The following EIF4B variants were observed in gnomAD, a reference collection of about 807,000 sequenced individuals.
EIF4B encodes eukaryotic translation initiation factor 4B.
EIF4B carries 8 observed loss-of-function variants against 79.3 expected under a neutral mutation model. The ratio of observed to expected loss-of-function variants is 0.10; its 90% CI spans 0.06 to 0.18. The LOEUF (loss-of-function observed/expected upper bound fraction) is 0.18. Ranked by LOEUF, EIF4B falls within the 10% of genes least tolerant of loss-of-function variation. EIF4B has a pLI of 1.00. For synonymous variants in EIF4B, 238 were observed against 274.7 expected (o/e 0.87, Z 1.32); for missense variants, 515 against 792.4 (o/e 0.65, Z 4.20).
At chr12:53,009,681 T>A (rs1452552291) in intron 1 of EIF4B, among the ~76,000 whole-genome samples, 3 of 152,162 alleles carry the variant, frequency 2.0e-5, no homozygotes, top group Non-Finnish European at 4.4e-5. Flanking sequence ...GTGAAATGGT[T>A]TTAAGGGGTG....
intron 10 of EIF4B, among the ~76,000 whole-genome samples, chr12:53,035,371 A>ATTTTT (rs1252439545): frequency 7.0e-6 from 1 of 141,914 alleles, no homozygotes; most frequent in African/African-American, 2.6e-5. Context: ...TTATTTATTT[A>ATTTTT]TTTTCTTTTT....
Position 53,021,842 on chromosome 12 carries a change from G to A in EIF4B, c.514G>A (p.Asp172Asn). 1.2e-6 allele frequency: 2 copies of A among 1,614,202 alleles called. No homozygotes were observed. The highest frequency in any genetic ancestry group is 1.7e-6 in the Non-Finnish European group (2 of 1,180,036). The change falls in exon 5 of 15, where the codon GAT becomes AAT. Residue 172 changes from aspartate (D) to asparagine (N), a missense_variant. By Grantham distance (23) the Asp-to-Asn change is conservative (BLOSUM62 1). Around this residue, in one of 6 missense-constraint regions of EIF4B, gnomAD observed 16 missense variants for 54.0 expected, o/e 0.30. Coordinates refer to ENST00000262056, the MANE Select transcript of EIF4B (RefSeq NM_001417.7). The stretch of plus-strand genomic sequence containing the variant: ...CAGGAGAATTCGAGTGGACGTTGCT[G>A]ATCAAGCACAGGATAAAGGTAAGGA... ...GNRRIRVDVA[D>N]QAQDKDRDDR...
chr12:53,030,410 ATTCT>A (rs1943415143), intron 8 of EIF4B, among the ~76,000 whole-genome samples: 1 of 34,194 alleles, frequency 2.9e-5, no homozygotes, highest in African/African-American at 6.0e-5. Context: ...AAAAAATTAT[ATTCT>A]TTTTTTTTTT....
chr12:53,020,566 T>TTG (rs1357506590), intron 4 of EIF4B, among the ~76,000 whole-genome samples: 1 of 152,200 alleles, frequency 6.6e-6, no homozygotes, highest in African/African-American at 2.4e-5. Flanking sequence ...GTCCCAGGAC[T>TTG]TGAGGGGCTT....
At chr12:53,019,265 G>A (rs1943197756) in intron 3 of EIF4B, among the ~76,000 whole-genome samples, 1 of 151,834 alleles carries the variant, frequency 6.6e-6, no homozygotes, top group South Asian at 2.1e-4. Flanking sequence ...TGGGCGTGGT[G>A]GTACACGTCT....
intron 1 of EIF4B, chr12:53,013,668 TCCC>T (rs1160416362): frequency 6.6e-6 from 1 of 151,942 alleles, no homozygotes; most frequent in Non-Finnish European, 1.5e-5. Context: ...ATGCCTGTAA[TCCC>T]AGTTACTCAG....
intron 6 of EIF4B, among the ~76,000 whole-genome samples, chr12:53,023,766 A>G (rs1249375283): frequency 6.6e-6 from 1 of 150,908 alleles, no homozygotes; most frequent in Non-Finnish European, 1.5e-5. Flanking sequence ...TATTCTTAGT[A>G]GAGATGGGGT....
chr12:53,034,545 C>A, intron 9 of EIF4B, 67 bp from the exon 10 acceptor site: 2 of 1,477,066 alleles, frequency 1.4e-6, no homozygotes, highest in South Asian at 2.3e-5. Flanking sequence ...CTTGAGGGGT[C>A]AGCATGGGTC....
intron 1 of EIF4B, among the ~76,000 whole-genome samples, chr12:53,012,955 G>A (rs765870556): frequency 1.4e-4 from 21 of 152,116 alleles, no homozygotes; most frequent in Non-Finnish European, 2.6e-4. Context: ...CAGAGGAGGG[G>A]GAGACTTGTG....
At chr12:53,037,270 G>A in intron 10 of EIF4B, 139 bp from the exon 11 acceptor site, 1 of 887,366 alleles carries the variant, frequency 1.1e-6, no homozygotes, top group Non-Finnish European at 1.7e-6. Flanking sequence ...GGAAATACTT[G>A]TAAACCACTG....
rs116754163 is a variant in EIF4B at position 53,022,443 on chromosome 12, G to A, written c.533-50G>A. ...GTTTTCTATGTGTGAGAAATATTGG[G>A]CAAAGTTTTTATGAGATAACTTACG... On this transcript the variant is annotated intron_variant, in intron 5 of 14. Transcript: ENST00000262056. 1,695 of 1,602,638 alleles carry A rather than the reference G, an allele frequency of 1.1e-3. 15 individuals carry two copies. The African/African-American group carries it at 0.021, about 20-fold the overall frequency.
At chr12:53,017,252 CAAAA>C (rs57053490) in intron 2 of EIF4B, among the ~76,000 whole-genome samples, 4 of 143,060 alleles carry the variant, frequency 2.8e-5, no homozygotes, top group African/African-American at 8.1e-5. Context: ...GACTCCATCT[CAAAA>C]AAAAAAAAAA....
intron 6 of EIF4B, 39 bp downstream of exon 6, chr12:53,022,666 T>C (rs898355858): frequency 1.3e-5 from 21 of 1,599,054 alleles, no homozygotes; most frequent in Non-Finnish European, 1.8e-5. Context: ...CTCTGTGCTT[T>C]GGGAGGCTAT....
intron 1 of EIF4B, among the ~76,000 whole-genome samples, chr12:53,006,834 C>G (rs937168963): frequency 6.6e-6 from 1 of 151,584 alleles, no homozygotes; most frequent in Non-Finnish European, 1.5e-5. Flanking sequence ...ACCGTGCCCG[C>G]GTGAAGGCGT....
At chr12:53,030,901 G>A (rs527349184) in intron 8 of EIF4B, among the ~76,000 whole-genome samples, 2 of 152,196 alleles carry the variant, frequency 1.3e-5, no homozygotes, top group East Asian at 3.9e-4. Context: ...TGGGCCTCAT[G>A]TTCTCCTTGA....
intron 1 of EIF4B, among the ~76,000 whole-genome samples, chr12:53,014,167 C>T (rs1943111527): frequency 6.6e-6 from 1 of 151,794 alleles, no homozygotes; most frequent in Non-Finnish European, 1.5e-5. Flanking sequence ...CGCGTTGGCT[C>T]ACGTCTGTAA....
intron 9 of EIF4B, 105 bp downstream of exon 9, chr12:53,034,139 G>GACAACCACTAAT: frequency 1.7e-6 from 2 of 1,170,920 alleles, no homozygotes; most frequent in Non-Finnish European, 1.2e-6. Context: ...TCACATTAGT[G>GACAACCACTAAT]GTTGTCACTG....
intron 8 of EIF4B, among the ~76,000 whole-genome samples, chr12:53,032,205 G>T (rs1257615604): frequency 3.9e-5 from 6 of 152,176 alleles, no homozygotes; most frequent in Non-Finnish European, 8.8e-5. Context: ...ACTTTGGGAA[G>T]CCAAGGCAAG....
chr12:53,037,752 A>C (rs1034901247), intron 11 of EIF4B, 130 bp downstream of exon 11: 1 of 1,020,464 alleles, frequency 9.8e-7, no homozygotes, highest in Non-Finnish European at 1.4e-6. Context: ...TTAGTCTCTT[A>C]GTGTGCTGGA....
Sources: gnomAD v4.1 joint callset for allele counts (sites outside exome capture counted in the v4.1 genomes callset) on GRCh38, gnomAD v4.1.1 for gene constraint, gnomAD v4.1.1 regional missense constraint, MANE v1.5 for transcripts, NCBI Gene and HGNC (gene_info 2026-07-23, HGNC 2026-07-21) for gene names.